OR6K3: variants seen among roughly 807,000 people sequenced by gnomAD.
OR6K3 encodes olfactory receptor 6K3.
For missense variants in OR6K3, 396 were observed against 382.5 expected (o/e 1.04, Z -0.29); for synonymous variants, 169 against 137.7 (o/e 1.23, Z -1.59).
In OR6K3 at chr1:158,717,872, G is replaced by T. The variant is rs1335582615; in HGVS notation, c.244C>A (p.Leu82Ile). The T allele has an allele frequency of 6.2e-7, 1 of 1,613,644 alleles. No individual in the cohort carries two copies. The highest frequency in any genetic ancestry group is 1.7e-5 in the Admixed American group (1 of 59,984). ...TTCTTTTCACTGATGAGGTTGGAGA[G>T]CATCTTGGGAATGGTGGCTGTGGTG... ...WYTTATIPKM[L>I]SNLISEKKAI... Residue 82 changes from leucine to isoleucine, a missense_variant, in exon 2 of 2, where the codon CTC becomes ATC. Coordinates refer to ENST00000368145, the MANE Select transcript of OR6K3 (RefSeq NM_001005327.3).
Position 158,717,346 on chromosome 1 carries a change from A to G in OR6K3, c.770T>C (p.Met257Thr). ...ATAAGTGTCGCTGAAACGCAAGTAC[A>G]TGAGTGATACACTGCCAAAGAATAT... is the stretch of plus-strand genomic sequence containing the variant. ...FPIFFGSVSL[M>T]YLRFSDTYPP... is the part of the protein sequence containing the mutation. Residue 257 changes from methionine (M) to threonine (T), a missense_variant, in exon 2 of 2, where the codon ATG (methionine) becomes ACG (threonine). Transcript: ENST00000368145. 1.2e-6 allele frequency: 2 copies of G among 1,613,820 alleles called. No individual in the cohort carries two copies. Among genetic ancestry groups the G allele is most frequent in the Non-Finnish European group, 1.7e-6 (2 of 1,179,808 alleles).
Position 158,720,680 on chromosome 1 carries a change from C to T in OR6K3, c.-18+3G>A, listed in dbSNP as rs1656264468. ...TCTTTATGACTTAGTCATCTACACT[C>T]ACCTTTGCCAAAAACACAGGGACTC... is the stretch of plus-strand genomic sequence containing the variant. On this transcript the variant is annotated splice_donor_region_variant and intron_variant, in intron 1 of 1. Transcript: ENST00000368145. 1 of 152,006 alleles carries T rather than the reference C, an allele frequency of 6.6e-6. No homozygotes were observed. The highest frequency in any genetic ancestry group is 1.5e-5 in the Non-Finnish European group (1 of 67,970). The allele number at this position is 152,006 out of a possible 1,614,324, so 9.4% of individuals were successfully genotyped here.
chr1:158,724,987 A>C (rs895755635), upstream of OR6K3: 2 of 154,476 alleles, frequency 1.3e-5, no homozygotes, highest in African/African-American at 4.8e-5. Context: ...GAAGAAGAGG[A>C]GGCTACCATC....
upstream of OR6K3, among the ~76,000 whole-genome samples, chr1:158,722,068 T>G (rs1473419649): frequency 6.6e-6 from 1 of 151,484 alleles, no homozygotes; most frequent in Non-Finnish European, 1.5e-5. Context: ...TCTCTCAGTC[T>G]CTCTCTCTCT....
chr1:158,718,343 C>T (rs963832511), intron 1 of OR6K3, among the ~76,000 whole-genome samples: 81 of 148,190 alleles, frequency 5.5e-4, no homozygotes, highest in Non-Finnish European at 7.4e-5. Context: ...AATATGTACA[C>T]TAGTTTAAAG....
At chr1:158,721,703 T>G, upstream of OR6K3, among the ~76,000 whole-genome samples, 1 of 151,906 alleles carries the variant, frequency 6.6e-6, no homozygotes, top group East Asian at 1.9e-4. Context: ...TTTTGTTTTT[T>G]TTCTAGAATT....
At chr1:158,723,091 GTTATC>G (rs1558016638), upstream of OR6K3, among the ~76,000 whole-genome samples, 2 of 151,870 alleles carry the variant, frequency 1.3e-5, no homozygotes, top group East Asian at 1.9e-4. Flanking sequence ...TGTTTAAACT[GTTATC>G]TTAATACACA....
Position 158,717,257 on chromosome 1 carries a change from T to C in OR6K3, c.859A>G (p.Ile287Val), listed in dbSNP as rs770331500. 6.8e-6 allele frequency: 11 copies of C among 1,613,656 alleles called. No homozygotes were observed. The East Asian group carries it at 2.2e-4, about 33-fold the overall frequency. ...FTVLAPFFNPIIYSLRNKDMN... is the reference protein window; with the variant it reads ...FTVLAPFFNPVIYSLRNKDMN... ...TCCTTGTTTCTCAGGCTATAAATGATGGGATTGAAGAATGGAGCAAGTACA... is the reference window on the plus strand; with the variant it reads ...TCCTTGTTTCTCAGGCTATAAATGACGGGATTGAAGAATGGAGCAAGTACA... The change falls in exon 2 of 2, where the codon ATC (isoleucine) becomes GTC (valine). Residue 287 changes from isoleucine to valine, a missense_variant. By Grantham distance (29) the Ile-to-Val change is conservative (BLOSUM62 3). Transcript: ENST00000368145.
chr1:158,724,318 A>T (rs387817), upstream of OR6K3: 6,253 of 163,376 alleles, frequency 0.038, 396 homozygotes, highest in African/African-American at 0.14. Context: ...ATAGAACATC[A>T]GAAAGACACT....
Position 158,717,253 on chromosome 1 carries a change from A to G in OR6K3, c.863T>C (p.Ile288Thr), listed in dbSNP as rs1656169184. Reference protein sequence around the residue: ...TVLAPFFNPIIYSLRNKDMNN... With the variant: ...TVLAPFFNPITYSLRNKDMNN... Reference sequence around the variant, plus strand: ...CATGTCCTTGTTTCTCAGGCTATAAATGATGGGATTGAAGAATGGAGCAAG... The same window carrying G: ...CATGTCCTTGTTTCTCAGGCTATAAGTGATGGGATTGAAGAATGGAGCAAG... Residue 288 changes from isoleucine to threonine, a missense_variant, in exon 2 of 2, where the codon ATT (isoleucine) becomes ACT (threonine). By Grantham distance (89) the Ile-to-Thr change is moderately conservative (BLOSUM62 -1). Transcript: ENST00000368145. 3.7e-6 allele frequency: 6 copies of G among 1,613,608 alleles called. No individual in the cohort carries two copies. The South Asian group carries it at 4.4e-5, about 12-fold the overall frequency.
chr1:158,723,412 C>T (rs1656323252), upstream of OR6K3, among the ~76,000 whole-genome samples: 1 of 151,926 alleles, frequency 6.6e-6, no homozygotes, highest in African/African-American at 2.4e-5. Flanking sequence ...ATAATCATAG[C>T]TAAGTATTCC....
chr1:158,724,495 C>T, upstream of OR6K3: 1 of 242,680 alleles, frequency 4.1e-6, no homozygotes, highest in Non-Finnish European at 9.3e-6. Flanking sequence ...CGTGTCTGTA[C>T]AGGCCAAGCG....
upstream of OR6K3, among the ~76,000 whole-genome samples, chr1:158,721,434 ATCT>A (rs1478760023): frequency 1.3e-5 from 2 of 151,870 alleles, no homozygotes; most frequent in African/African-American, 2.4e-5. Context: ...TTATCATGTC[ATCT>A]TCTTCTGGAA....
At chr1:158,721,511 C>T (rs538584723), upstream of OR6K3, among the ~76,000 whole-genome samples, 3 of 151,624 alleles carry the variant, frequency 2.0e-5, no homozygotes, top group Admixed American at 1.3e-4. Flanking sequence ...TTTCTTCTTA[C>T]GATTTGGGAG....
rs531806414 is a variant in OR6K3, at chr1:158,717,948, G to A, written c.168C>T (p.His56=). Residue 56 remains histidine (H), a synonymous_variant, in exon 2 of 2, where the codon CAC becomes CAT. Coordinates refer to ENST00000368145, the MANE Select transcript of OR6K3 (RefSeq NM_001005327.3). ...TACTGATAAAATTATACATGGGGTTGTGGAGATGGGTGTCCAGCCTTACAG... is the reference window on the plus strand; with the variant it reads ...TACTGATAAAATTATACATGGGGTTATGGAGATGGGTGTCCAGCCTTACAG... ...FSAVRLDTHL[H]NPMYNFISIF... 1.2e-6 allele frequency: 2 copies of A among 1,613,634 alleles called. No homozygotes were observed. The highest frequency in any genetic ancestry group is 2.2e-5 in the South Asian group (2 of 91,064).
At position 158,717,279 on chromosome 1, in the gene OR6K3, T is replaced by C. The variant is rs1010489176; in HGVS notation, c.837A>G (p.Val279=). 1.2e-6 allele frequency: 2 copies of C among 1,613,540 alleles called. No homozygotes were observed. The highest frequency in any genetic ancestry group is 1.7e-6 in the Non-Finnish European group (2 of 1,179,692). The change falls in exon 2 of 2, where the codon GTA becomes GTG. Residue 279 remains valine, a synonymous_variant. Transcript: ENST00000368145. ...TGATGGGATTGAAGAATGGAGCAAG[T>C]ACAGTAAACATCAGTGCAATGGCTG... ...LDTAIALMFT[V]LAPFFNPIIY...
chr1:158,719,225 C>T (rs1300456041), intron 1 of OR6K3, among the ~76,000 whole-genome samples: 2 of 151,530 alleles, frequency 1.3e-5, no homozygotes, highest in African/African-American at 4.9e-5. Context: ...TCTTATTCTG[C>T]CTCTTCTCTC....
upstream of OR6K3, among the ~76,000 whole-genome samples, chr1:158,722,534 G>A (rs963977945): frequency 3.9e-5 from 6 of 151,904 alleles, no homozygotes; most frequent in South Asian, 4.1e-4. Flanking sequence ...GTAGAGCATC[G>A]TTCTCAATTT....
At chr1:158,724,871 T>G (rs772483914), upstream of OR6K3, 1 of 217,912 alleles carries the variant, frequency 4.6e-6, no homozygotes, top group Non-Finnish European at 9.9e-6. Context: ...GAGAAAATGC[T>G]GATAAAATTA....
Sources: gnomAD v4.1 joint callset for allele counts (sites outside exome capture counted in the v4.1 genomes callset) on GRCh38, gnomAD v4.1.1 for gene constraint, MANE v1.5 for transcripts, NCBI Gene and HGNC (gene_info 2026-07-23, HGNC 2026-07-21) for gene names.